Variants in CERS6 observed in about 807,000 individuals in gnomAD.
CERS6 encodes the protein ceramide synthase 6.
Under a neutral mutation model 56.8 loss-of-function variants are expected in CERS6, and 26 were observed. That is an observed-to-expected ratio of 0.46 (90% CI 0.34 to 0.63). The LOEUF (loss-of-function observed/expected upper bound fraction) is 0.63, where lower values mean the gene tolerates loss of function less well. Ranked by LOEUF, CERS6 falls within the 30% of genes least tolerant of loss-of-function variation. The probability of loss-of-function intolerance (pLI) is 0.01; values close to 1 mark genes in which losing one functional copy is unlikely to be tolerated. For missense variants in CERS6, 415 were observed against 467.5 expected, an observed-to-expected ratio of 0.89 and a Z score of 1.04; for synonymous variants, 164 against 173.3, an observed-to-expected ratio of 0.95 and a Z score of 0.42.
chr2:168,552,988 G>T (rs1425277691), intron 2 of CERS6, among the ~76,000 whole-genome samples: 1 of 152,098 alleles, frequency 6.6e-6, no homozygotes, highest in African/African-American at 2.4e-5. Context: ...ACTCTGTGAA[G>T]GAAGATCACA....
Position 168,505,853 on chromosome 2 carries a change from A to G in CERS6, c.171-41743A>G, listed in dbSNP as rs145301886. ...TTATTCTTTAGGAGCTGTTTTTTGT[A>G]TTTATTACAATCCCATTTAAAGTGA... On this transcript the variant is annotated intron_variant, in intron 1 of 9. Transcript: ENST00000305747. Among the ~76,000 whole-genome samples the G allele has an allele frequency of 6.5e-3, 994 of 152,196 alleles. 10 individuals carry two copies. The highest frequency in any genetic ancestry group is 0.021 in the African/African-American group (886 of 41,534).
At chr2:168,459,818 A>G (rs898980395) in intron 1 of CERS6, among the ~76,000 whole-genome samples, 1 of 152,254 alleles carries the variant, frequency 6.6e-6, no homozygotes. Context: ...GAACTATAAT[A>G]AATGCTTCTT....
intron 4 of CERS6, among the ~76,000 whole-genome samples, chr2:168,661,979 A>G (rs1332662862): frequency 1.3e-5 from 2 of 152,244 alleles, no homozygotes; most frequent in East Asian, 3.8e-4. Flanking sequence ...GCTTACAGAC[A>G]TATTGCAGTC....
intron 4 of CERS6, among the ~76,000 whole-genome samples, chr2:168,673,278 T>C (rs1435940617): frequency 3.9e-5 from 6 of 152,302 alleles, no homozygotes; most frequent in Admixed American, 2.0e-4. Flanking sequence ...ACTCCAACAT[T>C]ACAGAATTGC....
At chr2:168,726,144 C>T (rs917111931) in intron 8 of CERS6, among the ~76,000 whole-genome samples, 6 of 152,192 alleles carry the variant, frequency 3.9e-5, no homozygotes, top group Admixed American at 1.3e-4. Flanking sequence ...TAAATGGTCT[C>T]ATGTCCATTT....
chr2:168,482,765 G>GA (rs1694201431), intron 1 of CERS6, among the ~76,000 whole-genome samples: 1 of 152,206 alleles, frequency 6.6e-6, no homozygotes, highest in African/African-American at 2.4e-5. Flanking sequence ...TGAATTTCTA[G>GA]AAGCTCTGCA....
chr2:168,769,350 C>T (rs1220427943), intron 9 of CERS6, among the ~76,000 whole-genome samples, 160 bp from the exon 10 acceptor site: 1 of 152,164 alleles, frequency 6.6e-6, no homozygotes, highest in Non-Finnish European at 1.5e-5. Context: ...TTTATCTCTC[C>T]AATGAAGGGG....
intron 4 of CERS6, among the ~76,000 whole-genome samples, chr2:168,663,199 A>G (rs1685677287): frequency 6.6e-6 from 1 of 152,100 alleles, no homozygotes; most frequent in African/African-American, 2.4e-5. Context: ...AACACAGTGT[A>G]TGTATTTTTT....
At chr2:168,722,178 T>C (rs1683195929) in intron 8 of CERS6, among the ~76,000 whole-genome samples, 1 of 152,240 alleles carries the variant, frequency 6.6e-6, no homozygotes, top group Non-Finnish European at 1.5e-5. Context: ...TAATAATGTA[T>C]ATTATATATA....
intron 3 of CERS6, among the ~76,000 whole-genome samples, chr2:168,584,444 A>G (rs569435488): frequency 1.3e-5 from 2 of 152,334 alleles, no homozygotes; most frequent in East Asian, 3.9e-4. Flanking sequence ...GACAGACATA[A>G]TGCTGTCATG....
chr2:168,589,690 CT>C (rs1403034122), intron 3 of CERS6, among the ~76,000 whole-genome samples: 12 of 148,664 alleles, frequency 8.1e-5, no homozygotes, highest in African/African-American at 3.1e-4. Context: ...TCTAATACTA[CT>C]TCTTCTACTC....
chr2:168,620,014 T>TACACACACACACACACACAC (rs1160024194), intron 3 of CERS6, among the ~76,000 whole-genome samples: 1 of 61,208 alleles, frequency 1.6e-5, no homozygotes, highest in African/African-American at 4.3e-5. Context: ...CCACAATCCA[T>TACACACACACACACACACAC]ACACACACAC....
rs1457910348 is a variant in CERS6 at position 168,770,786 on chromosome 2, C to G, written c.*1124C>G. The G allele has an allele frequency of 6.6e-6, 1 of 152,512 alleles. No homozygotes were observed. Among genetic ancestry groups the G allele is most frequent in the Non-Finnish European group, 1.5e-5 (1 of 68,030 alleles). The allele number at this position is 152,512 out of a possible 1,614,324, so 9.4% of individuals were successfully genotyped here. A position where few individuals can be genotyped will look rare whatever the true frequency, so the allele number is the denominator to read the frequency against. The stretch of plus-strand genomic sequence containing the variant: ...AGACTATTTTACCCTTTGCTTTTCT[C>G]CTTAAACGTAATCCAGATGACTTTC... On this transcript the variant is annotated 3_prime_UTR_variant, in exon 10 of 10. Coordinates refer to ENST00000305747, the MANE Select transcript of CERS6 (RefSeq NM_203463.3).
chr2:168,733,333 C>G (rs958590623), intron 8 of CERS6, among the ~76,000 whole-genome samples: 16 of 152,204 alleles, frequency 1.1e-4, no homozygotes, highest in African/African-American at 3.9e-4. Context: ...ATACGCTTCT[C>G]TGGACCAGTA....
chr2:168,502,548 T>G (rs1446255429), intron 1 of CERS6, among the ~76,000 whole-genome samples: 1 of 152,196 alleles, frequency 6.6e-6, no homozygotes, highest in Admixed American at 6.5e-5. Flanking sequence ...ACTTTGATAT[T>G]GGCTAGGGCT....
intron 1 of CERS6, among the ~76,000 whole-genome samples, chr2:168,479,089 C>A (rs1208755916): frequency 2.6e-5 from 4 of 152,090 alleles, no homozygotes; most frequent in African/African-American, 4.8e-5. Context: ...ATATTTTTTT[C>A]TCTGATTTGA....
chr2:168,515,313 A>G (rs537666630), intron 1 of CERS6, among the ~76,000 whole-genome samples: 62 of 152,198 alleles, frequency 4.1e-4, no homozygotes, highest in African/African-American at 1.2e-3. Flanking sequence ...TTAATCCCCT[A>G]TGTCCAAGCC....
chr2:168,587,326 C>T (rs1475189559), intron 3 of CERS6, among the ~76,000 whole-genome samples: 1 of 152,134 alleles, frequency 6.6e-6, no homozygotes, highest in Non-Finnish European at 1.5e-5. Flanking sequence ...AATTGTGTTA[C>T]AAATGACCAG....
chr2:168,535,922 A>G (rs144216750), intron 1 of CERS6, among the ~76,000 whole-genome samples: 59 of 151,872 alleles, frequency 3.9e-4, no homozygotes, highest in African/African-American at 1.0e-3. Flanking sequence ...TTGTATGTTT[A>G]TTGATGTTTC....
Sources: allele counts gnomAD v4.1 joint callset (sites outside exome capture counted in the v4.1 genomes callset), GRCh38; gene constraint gnomAD v4.1.1; transcripts MANE v1.5; gene names NCBI Gene and HGNC (gene_info 2026-07-23, HGNC 2026-07-21).